The following ARHGAP6 variants were observed in gnomAD, a reference collection of about 807,000 sequenced individuals.
ARHGAP6 encodes Rho GTPase activating protein 6.
Under a neutral mutation model 55.7 loss-of-function variants are expected in ARHGAP6, and 16 were observed. The ratio of observed to expected loss-of-function variants is 0.29; its 90% confidence interval spans 0.19 to 0.44. ARHGAP6 has a LOEUF of 0.44. ARHGAP6 is among the 20% of genes least tolerant of loss of function. The pLI, the probability that ARHGAP6 is intolerant of heterozygous loss-of-function variation, is 1.00. For synonymous variants in ARHGAP6, 382 were observed against 360.9 expected (o/e 1.06, Z -0.66); for missense variants, 698 against 808.9 (o/e 0.86, Z 1.66).
chrX:11,486,464 T>C (rs1377427847), intron 1 of ARHGAP6, among the ~76,000 whole-genome samples: 1 of 112,248 alleles, frequency 8.9e-6, no homozygotes, highest in Non-Finnish European at 1.9e-5. Flanking sequence ...TGCCAGTGAA[T>C]GAGCCAGGTT....
Position 11,211,513 on chromosome X carries a change from G to A in ARHGAP6, c.749-14517C>T, listed in dbSNP as rs1475864376. ...CCAAAGTGCTGGGATTACAGGCGTGGGCCACTGCGCCTGGCCTATGAGAAC... is the reference window on the plus strand; with the variant it reads ...CCAAAGTGCTGGGATTACAGGCGTGAGCCACTGCGCCTGGCCTATGAGAAC... On this transcript the variant is annotated intron_variant, in intron 2 of 12. Transcript: ENST00000337414. Among the ~76,000 whole-genome samples the A allele has an allele frequency of 1.7e-3, 168 of 101,663 alleles. 1 individual carries two copies. Among genetic ancestry groups the A allele is most frequent in the Middle Eastern group, 5.7e-3 (1 of 174 alleles). 88.3% of individuals were successfully genotyped at this position (101,663 alleles called of 115,157 possible). A position where few individuals can be genotyped will look rare whatever the true frequency, so the allele number is the denominator to read the frequency against.
intron 1 of ARHGAP6, among the ~76,000 whole-genome samples, chrX:11,275,518 G>C (rs1488511590): frequency 1.8e-5 from 2 of 111,449 alleles, no homozygotes; most frequent in African/African-American, 6.5e-5. Flanking sequence ...ATTAAAAACT[G>C]TCCTTTCCTT....
intron 1 of ARHGAP6, among the ~76,000 whole-genome samples, chrX:11,435,725 A>T (rs1456233732): frequency 8.9e-6 from 1 of 112,026 alleles, no homozygotes; most frequent in Non-Finnish European, 1.9e-5. Flanking sequence ...CAAAGTCAGA[A>T]GCCATCCTGA....
chrX:11,527,011 A>AGTGTGTGTGTGTGTGTGT (rs59668043), intron 1 of ARHGAP6, among the ~76,000 whole-genome samples: 1 of 81,058 alleles, frequency 1.2e-5, no homozygotes, highest in Non-Finnish European at 2.4e-5. Context: ...TAATATGAGG[A>AGTGTGTGTGTGTGTGTGT]GTGTGTGTGT....
At chrX:11,398,135 G>A (rs893234788) in intron 1 of ARHGAP6, among the ~76,000 whole-genome samples, 1 of 110,172 alleles carries the variant, frequency 9.1e-6, no homozygotes, top group Non-Finnish European at 1.9e-5. Flanking sequence ...GAAACTCTCA[G>A]GTTCCTTATC....
At chrX:11,502,245 T>C (rs1365320809) in intron 1 of ARHGAP6, among the ~76,000 whole-genome samples, 1 of 112,558 alleles carries the variant, frequency 8.9e-6, no homozygotes, top group African/African-American at 3.2e-5. Context: ...CAAAGTAATA[T>C]ATAACATGTG....
chrX:11,336,754 T>G (rs760129844), intron 1 of ARHGAP6, among the ~76,000 whole-genome samples: 1 of 111,415 alleles, frequency 9.0e-6, no homozygotes, highest in Non-Finnish European at 1.9e-5. Context: ...AATTTGGGAG[T>G]GCTCTGTTTC....
intron 1 of ARHGAP6, among the ~76,000 whole-genome samples, chrX:11,363,387 G>T (rs1436624057): frequency 1.8e-5 from 2 of 112,360 alleles, no homozygotes; most frequent in African/African-American, 6.5e-5. Flanking sequence ...CACATGCTGA[G>T]TAACTGGATG....
chrX:11,155,179 C>T (rs2045846153), intron 10 of ARHGAP6, among the ~76,000 whole-genome samples: 1 of 112,403 alleles, frequency 8.9e-6, no homozygotes, highest in South Asian at 3.7e-4. Flanking sequence ...TAAGTATCTG[C>T]AATAATCATG....
chrX:11,243,834 A>G (rs2047318242), intron 2 of ARHGAP6, among the ~76,000 whole-genome samples: 1 of 112,047 alleles, frequency 8.9e-6, no homozygotes, highest in African/African-American at 3.2e-5. Flanking sequence ...CATTCCAATT[A>G]CCTACAGTGT....
intron 1 of ARHGAP6, among the ~76,000 whole-genome samples, chrX:11,357,123 A>G (rs1436274298): frequency 8.9e-6 from 1 of 111,934 alleles, no homozygotes; most frequent in Non-Finnish European, 1.9e-5. Flanking sequence ...CCTGCCAGTA[A>G]GTGATAGTTC....
intron 1 of ARHGAP6, among the ~76,000 whole-genome samples, chrX:11,588,061 T>C (rs1435661080): frequency 8.9e-6 from 1 of 112,325 alleles, no homozygotes; most frequent in Non-Finnish European, 1.9e-5. Context: ...ACAGATGTGT[T>C]TGCCATTTAT....
At chrX:11,498,230 G>A (rs1042496950) in intron 1 of ARHGAP6, among the ~76,000 whole-genome samples, 1 of 111,393 alleles carries the variant, frequency 9.0e-6, no homozygotes, top group African/African-American at 3.3e-5. Context: ...AATTTCCCTA[G>A]AGTATGTATT....
At chrX:11,266,025 G>A (rs1386564288) in intron 1 of ARHGAP6, 63 of 634,139 alleles carry the variant, frequency 9.9e-5, no homozygotes, top group Non-Finnish European at 1.2e-4. Context: ...GTTTGTATGC[G>A]TGTGTGCCTG....
chrX:11,515,348 G>A (rs946068404), intron 1 of ARHGAP6, among the ~76,000 whole-genome samples: 7 of 112,406 alleles, frequency 6.2e-5, no homozygotes, highest in African/African-American at 2.3e-4. Flanking sequence ...TATCAAGAAG[G>A]AAAAGTTGCG....
intron 1 of ARHGAP6, among the ~76,000 whole-genome samples, chrX:11,306,975 G>T (rs1167664151): frequency 9.0e-6 from 1 of 111,641 alleles, no homozygotes; most frequent in Non-Finnish European, 1.9e-5. Context: ...GGACAACATT[G>T]CCATGGCAAC....
chrX:11,244,292 T>G (rs1048436223), intron 2 of ARHGAP6, among the ~76,000 whole-genome samples: 2 of 112,011 alleles, frequency 1.8e-5, no homozygotes, highest in African/African-American at 6.5e-5. Flanking sequence ...ACTACTCAAC[T>G]CTGCCACTGT....
rs75709019 is a variant in ARHGAP6, at chrX:11,554,480, T to C, written c.588+109761A>G. 1.7e-4 allele frequency among the ~76,000 whole-genome samples: 19 copies of C among 112,088 alleles called. 1 individual carries two copies. The highest frequency in any genetic ancestry group is 2.6e-4 in the Non-Finnish European group (14 of 53,222). On this transcript the variant is annotated intron_variant, in intron 1 of 12. Transcript: ENST00000337414. ...CCCAACACATAGAGATCATAAATGCTCGAGGTGATGGATACCCTAAATACC... is the reference window on the plus strand; with the variant it reads ...CCCAACACATAGAGATCATAAATGCCCGAGGTGATGGATACCCTAAATACC...
intron 9 of ARHGAP6, among the ~76,000 whole-genome samples, chrX:11,161,830 A>AT (rs2045950334): frequency 1.8e-5 from 2 of 111,206 alleles, no homozygotes; most frequent in Admixed American, 9.5e-5. Context: ...CAGTTATGGG[A>AT]TTTTCTCTTG....
Sources: allele counts gnomAD v4.1 joint callset (sites outside exome capture counted in the v4.1 genomes callset), GRCh38; gene constraint gnomAD v4.1.1; transcripts MANE v1.5; gene names NCBI Gene and HGNC (gene_info 2026-07-23, HGNC 2026-07-21).